UTRN: variants seen among roughly 807,000 people sequenced by gnomAD.
UTRN encodes utrophin.
A neutral mutation model predicts 463.9 loss-of-function variants in UTRN; 283 were observed. That is an observed-to-expected ratio of 0.61 (90% CI 0.55 to 0.67). UTRN has a LOEUF of 0.67. Ranked by LOEUF, UTRN falls within the 30% of genes least tolerant of loss-of-function variation. The probability of loss-of-function intolerance (pLI) is 0.00; values close to 1 mark genes in which losing one functional copy is unlikely to be tolerated. For synonymous variants in UTRN, 1,442 were observed against 1,431.5 expected, an observed-to-expected ratio of 1.01 and a Z score of -0.17; for missense variants, 3,922 against 4,084.3, an observed-to-expected ratio of 0.96 and a Z score of 1.08.
At chr6:144,313,268 T>TCC (rs1348072079) in intron 2 of UTRN, among the ~76,000 whole-genome samples, 1 of 151,854 alleles carries the variant, frequency 6.6e-6, no homozygotes, top group Non-Finnish European at 1.5e-5. Context: ...CCACGTGGAC[T>TCC]CATCTTGCTG....
chr6:144,474,709 C>G lies in UTRN; in HGVS notation c.3286C>G (p.Gln1096Glu). The change falls in exon 25 of 75, where the codon CAG becomes GAG. Residue 1096 changes from glutamine (Q) to glutamate (E), a missense_variant. By Grantham distance (29) the Gln-to-Glu change is conservative. Coordinates refer to ENST00000367545, the MANE Select transcript of UTRN (RefSeq NM_007124.3). The part of the protein sequence containing the change: ...GPVAGIKTWV[Q>E]TRLGDYQTQL... ...AGTTGCTGGAATAAAAACTTGGGTG[C>G]AGACAAGACTAGGTGACTACCAAAC... 1 of 1,613,992 alleles carries G rather than the reference C, an allele frequency of 6.2e-7. No individual in the cohort carries two copies. The highest frequency in any genetic ancestry group is 2.2e-5 in the East Asian group (1 of 44,870).
At chr6:144,295,709 ACTG>A (rs1205901110) in intron 2 of UTRN, among the ~76,000 whole-genome samples, 1 of 152,118 alleles carries the variant, frequency 6.6e-6, no homozygotes, top group Non-Finnish European at 1.5e-5. Flanking sequence ...ATGGCATCTC[ACTG>A]CTGCTGCTGA....
At chr6:144,549,048 C>T (rs188462261) in intron 47 of UTRN, among the ~76,000 whole-genome samples, 194 bp downstream of exon 47, 1 of 152,310 alleles carries the variant, frequency 6.6e-6, no homozygotes, top group Admixed American at 6.5e-5. Context: ...GTGATATGAT[C>T]AGGTTTACTG....
chr6:144,592,835 T>C (rs1283285237), intron 51 of UTRN, among the ~76,000 whole-genome samples: 1 of 152,218 alleles, frequency 6.6e-6, no homozygotes, highest in African/African-American at 2.4e-5. Flanking sequence ...CATAACCCTG[T>C]TATAGAATAT....
In UTRN at chr6:144,309,192, C is replaced by T. The variant is rs75863512; in HGVS notation, c.79+17285C>T. Among the ~76,000 whole-genome samples, 1,427 of 152,282 alleles carry T rather than the reference C, an allele frequency of 9.4e-3. 23 individuals are homozygous for T. The highest frequency in any genetic ancestry group is 0.033 in the African/African-American group (1,361 of 41,534). ...ATCTTTTGCTGATTCTTCCTCTTAA[C>T]GTTGGAGGGCCCAGGACCCAGTCCT... On this transcript the variant is annotated intron_variant, in intron 2 of 74. Coordinates refer to ENST00000367545, the MANE Select transcript of UTRN (RefSeq NM_007124.3).
rs71024902 is a variant in UTRN at position 144,699,473 on chromosome 6, G to GTTTTTTTTTTT, written c.7653-597_7653-587dup. Among the ~76,000 whole-genome samples the GTTTTTTTTTTT allele has an allele frequency of 9.3e-3, 627 of 67,644 alleles. 34 individuals are homozygous for GTTTTTTTTTTT. The highest frequency in any genetic ancestry group is 0.024 in the Admixed American group (80 of 3,398). 44.4% of individuals were successfully genotyped at this position (67,644 alleles called of 152,430 possible). ...AAATAATAATAATAATTAGTCAGTG[G>GTTTTTTTTTTT]TTTTTTTTTTTTTTTTTTTTTTTTT... is the stretch of plus-strand genomic sequence containing the variant. On this transcript the variant is annotated intron_variant, in intron 52 of 74. Transcript: ENST00000367545.
chr6:144,680,123 CATCT>C (rs1782057935), intron 52 of UTRN, among the ~76,000 whole-genome samples: 1 of 152,156 alleles, frequency 6.6e-6, no homozygotes, highest in Non-Finnish European at 1.5e-5. Flanking sequence ...TCCAGCAAGT[CATCT>C]ATGCCAGCAA....
intron 51 of UTRN, among the ~76,000 whole-genome samples, chr6:144,648,043 A>G (rs1248578569): frequency 6.6e-6 from 1 of 152,232 alleles, no homozygotes; most frequent in African/African-American, 2.4e-5. Flanking sequence ...AACTCTACAC[A>G]GTTTGGAATA....
At chr6:144,545,449 T>C (rs1273465952) in intron 46 of UTRN, among the ~76,000 whole-genome samples, 1 of 152,260 alleles carries the variant, frequency 6.6e-6, no homozygotes, top group East Asian at 1.9e-4. Context: ...CTTTTCCCTT[T>C]GTTCATTCTG....
chr6:144,531,715 T>A (rs1023180433), intron 42 of UTRN, among the ~76,000 whole-genome samples: 2 of 152,222 alleles, frequency 1.3e-5, no homozygotes, highest in Admixed American at 6.5e-5. Context: ...TTAAAAATAA[T>A]GGTAGAAAGC....
At chr6:144,666,045 A>C (rs1780354909) in intron 51 of UTRN, among the ~76,000 whole-genome samples, 1 of 152,166 alleles carries the variant, frequency 6.6e-6, no homozygotes, top group African/African-American at 2.4e-5. Flanking sequence ...GTGCTGTTTA[A>C]AGTTCAGAAG....
chr6:144,477,924 T>C (rs1399074424), intron 25 of UTRN, among the ~76,000 whole-genome samples: 1 of 147,458 alleles, frequency 6.8e-6, no homozygotes, highest in East Asian at 2.0e-4. Context: ...TCCATCCACA[T>C]ACATATGGTG....
chr6:144,567,226 A>T (rs1472285956), intron 50 of UTRN, among the ~76,000 whole-genome samples: 1 of 152,066 alleles, frequency 6.6e-6, no homozygotes, highest in Non-Finnish European at 1.5e-5. Flanking sequence ...GCCTGGGGAG[A>T]TGGAAGGTAC....
At chr6:144,836,604 G>T in intron 71 of UTRN, 63 bp downstream of exon 71, 1 of 1,592,504 alleles carries the variant, frequency 6.3e-7, no homozygotes. Flanking sequence ...CCTGGGAGAT[G>T]ATGGTCCAGG....
At chr6:144,492,395 C>CCA (rs1259747248) in intron 32 of UTRN, among the ~76,000 whole-genome samples, 1 of 152,038 alleles carries the variant, frequency 6.6e-6, no homozygotes, top group African/African-American at 2.4e-5. Context: ...TGTATTTGTA[C>CCA]CACGTTTTCT....
At chr6:144,570,265 T>TA (rs938590719) in intron 50 of UTRN, among the ~76,000 whole-genome samples, 5 of 151,736 alleles carry the variant, frequency 3.3e-5, no homozygotes, top group East Asian at 1.9e-4. Flanking sequence ...ATATTTAAGG[T>TA]AAAAAAAAGT....
chr6:144,784,678 G>C (rs1776149573), intron 61 of UTRN, among the ~76,000 whole-genome samples: 1 of 152,204 alleles, frequency 6.6e-6, no homozygotes. Flanking sequence ...GTGCCACTTG[G>C]TTGGGAGGAA....
At chr6:144,722,877 A>AG (rs1345968680) in intron 53 of UTRN, among the ~76,000 whole-genome samples, 2 of 152,312 alleles carry the variant, frequency 1.3e-5, no homozygotes, top group East Asian at 3.9e-4. Context: ...CAGGATGACT[A>AG]TAACCTCACT....
Position 144,462,807 on chromosome 6 carries a change from T to C in UTRN, c.3007T>C (p.Leu1003=), listed in dbSNP as rs1188544328. The C allele has an allele frequency of 6.2e-7, 1 of 1,609,978 alleles. No homozygotes were observed. The highest frequency in any genetic ancestry group is 1.3e-5 in the African/African-American group (1 of 74,678). ...VQGKWNKLKV[L]VSKDLHLLEE... ...AGGAAAGTGGAACAAGCTAAAGGTC[T>C]TGGTTTCCAAAGATCTACATTTGCT... Residue 1003 remains leucine (L), a synonymous_variant, in exon 23 of 75, where the codon TTG becomes CTG. Coordinates refer to ENST00000367545, the MANE Select transcript of UTRN (RefSeq NM_007124.3).
Sources: allele counts gnomAD v4.1 joint callset (sites outside exome capture counted in the v4.1 genomes callset), GRCh38; gene constraint gnomAD v4.1.1; transcripts MANE v1.5; gene names NCBI Gene and HGNC (gene_info 2026-07-23, HGNC 2026-07-21).